Variants in MRPS28 observed in about 807,000 individuals in gnomAD.
MRPS28 encodes mitochondrial ribosomal protein S28.
In MRPS28, 7 loss-of-function variants were observed where a neutral mutation model predicts 10.8. The observed-to-expected ratio is 0.65, with a 90% confidence interval of 0.37 to 1.22. The LOEUF is 1.22. Among genes scored for constraint, MRPS28 ranks in the 50% most tolerant of loss-of-function variants. The pLI is 0.02. For missense variants in MRPS28, 265 were observed against 232.9 expected (o/e 1.14, Z -0.90); for synonymous variants, 121 against 93.3 (o/e 1.30, Z -1.71).
chr8:79,971,071 A>G (rs1201483776), intron 2 of MRPS28, among the ~76,000 whole-genome samples: 1 of 152,250 alleles, frequency 6.6e-6, no homozygotes, highest in South Asian at 2.1e-4. Flanking sequence ...CTACCAAATC[A>G]GCATGCCAGC....
At chr8:80,009,611 T>C (rs1220873358) in intron 1 of MRPS28, among the ~76,000 whole-genome samples, 1 of 149,982 alleles carries the variant, frequency 6.7e-6, no homozygotes, top group East Asian at 2.0e-4. Context: ...AGCCAAACTG[T>C]CTCAAAAAAG....
intron 1 of MRPS28, among the ~76,000 whole-genome samples, chr8:80,007,656 T>G (rs1301231858): frequency 5.9e-5 from 9 of 152,140 alleles, no homozygotes; most frequent in South Asian, 2.1e-4. Context: ...AAATCATGAG[T>G]GAACTCCCAT....
chr8:79,961,703 C>T (rs1807376552), intron 2 of MRPS28, among the ~76,000 whole-genome samples: 1 of 152,080 alleles, frequency 6.6e-6, no homozygotes, highest in Non-Finnish European at 1.5e-5. Flanking sequence ...CTTTCCCAAT[C>T]AGGGCTTCTG....
chr8:79,956,192 CATCTT>C (rs1227834599), intron 2 of MRPS28, among the ~76,000 whole-genome samples: 38 of 151,996 alleles, frequency 2.5e-4, no homozygotes, highest in African/African-American at 8.2e-4. Context: ...TGTTGCTGCT[CATCTT>C]ATCTTACAAT....
At chr8:80,027,783 A>T (rs1809528583) in intron 1 of MRPS28, among the ~76,000 whole-genome samples, 1 of 152,214 alleles carries the variant, frequency 6.6e-6, no homozygotes, top group Non-Finnish European at 1.5e-5. Flanking sequence ...CCATTAAACC[A>T]AGATGTCAAA....
At chr8:79,963,876 G>A (rs1426634043) in intron 2 of MRPS28, among the ~76,000 whole-genome samples, 3 of 152,222 alleles carry the variant, frequency 2.0e-5, no homozygotes, top group Admixed American at 1.3e-4. Context: ...GACAGGTCAA[G>A]TGAGAACTGA....
intron 2 of MRPS28, among the ~76,000 whole-genome samples, chr8:79,974,432 C>T (rs1264083155): frequency 3.3e-5 from 5 of 151,522 alleles, no homozygotes; most frequent in African/African-American, 9.7e-5. Context: ...CCCAGCTACT[C>T]GGGAGGCTGA....
At chr8:80,002,207 T>C (rs1008438313) in intron 2 of MRPS28, among the ~76,000 whole-genome samples, 2 of 152,126 alleles carry the variant, frequency 1.3e-5, no homozygotes, top group Non-Finnish European at 2.9e-5. Context: ...ATATGACCAA[T>C]TTTTATATGC....
At position 80,007,625 on chromosome 8, in the gene MRPS28, ATAACAG is replaced by A. The variant is rs559421089; in HGVS notation, c.214-4451_214-4446del. ...AAATCACAAGCATTCTTATACACCA[ATAACAG>A]ACAAACAGAGAGCCAAATCATGAGT... On this transcript the variant is annotated intron_variant, in intron 1 of 2. Transcript: ENST00000276585. 7.3e-3 allele frequency among the ~76,000 whole-genome samples: 1,118 copies of A among 152,282 alleles called. 11 individuals carry two copies. Among genetic ancestry groups the A allele is most frequent in the African/African-American group, 0.025 (1,056 of 41,560 alleles).
chr8:79,923,005 T>C (rs1810134987), intron 2 of MRPS28, among the ~76,000 whole-genome samples: 1 of 152,154 alleles, frequency 6.6e-6, no homozygotes, highest in Non-Finnish European at 1.5e-5. Context: ...CAAGTAAACA[T>C]TTAGGCTATT....
intron 2 of MRPS28, among the ~76,000 whole-genome samples, chr8:79,990,475 T>C (rs755472241): frequency 6.6e-6 from 1 of 152,090 alleles, no homozygotes; most frequent in Non-Finnish European, 1.5e-5. Flanking sequence ...CATACAAAAA[T>C]GCCAATCCCC....
At chr8:80,000,128 C>CA (rs1446448019) in intron 2 of MRPS28, among the ~76,000 whole-genome samples, 9 of 152,168 alleles carry the variant, frequency 5.9e-5, no homozygotes, top group Admixed American at 5.9e-4. Flanking sequence ...CAGTACCTGG[C>CA]AAATTGAAGA....
chr8:79,981,827 G>C (rs145933250), intron 2 of MRPS28, among the ~76,000 whole-genome samples: 1 of 152,174 alleles, frequency 6.6e-6, no homozygotes, highest in South Asian at 2.1e-4. Context: ...ACAGAGAGTA[G>C]CATAAAATCC....
chr8:79,925,106 A>G (rs1214864305), intron 2 of MRPS28, among the ~76,000 whole-genome samples: 1 of 152,182 alleles, frequency 6.6e-6, no homozygotes, highest in Non-Finnish European at 1.5e-5. Context: ...ATTTCTAGTC[A>G]TCATTAAAAT....
intron 1 of MRPS28, among the ~76,000 whole-genome samples, chr8:80,021,293 G>A (rs567409225): frequency 3.1e-4 from 47 of 152,174 alleles, no homozygotes; most frequent in African/African-American, 1.0e-3. Context: ...GAGCCACTGC[G>A]CCCAGCCACA....
Position 80,009,846 on chromosome 8 carries a change from T to TA in MRPS28, c.214-6667dup, listed in dbSNP as rs201084294. Among the ~76,000 whole-genome samples, 1,125 of 152,190 alleles carry TA rather than the reference T, an allele frequency of 7.4e-3. 12 individuals are homozygous for TA. Among genetic ancestry groups the TA allele is most frequent in the African/African-American group, 0.026 (1,059 of 41,508 alleles). On this transcript the variant is annotated intron_variant, in intron 1 of 2. Coordinates refer to ENST00000276585, the MANE Select transcript of MRPS28 (RefSeq NM_014018.3). ...CTTTATTCCTAGCACTGACCATCTG[T>TA]AAAAAAATGCCTTCTAAATCAAGTT...
chr8:80,028,810 C>A (rs942819711), intron 1 of MRPS28: 3 of 153,676 alleles, frequency 2.0e-5, no homozygotes, highest in Non-Finnish European at 4.4e-5. Context: ...CAAAAAAAAA[C>A]AGAAAAAACA....
intron 2 of MRPS28, among the ~76,000 whole-genome samples, chr8:79,931,653 T>C (rs1806465300): frequency 6.6e-6 from 1 of 152,172 alleles, no homozygotes; most frequent in African/African-American, 2.4e-5. Context: ...AAATCCTCAA[T>C]GAAAGTCCAG....
At chr8:79,947,513 A>C (rs1806950150) in intron 2 of MRPS28, among the ~76,000 whole-genome samples, 2 of 152,122 alleles carry the variant, frequency 1.3e-5, no homozygotes, top group South Asian at 4.1e-4. Flanking sequence ...ACATCTTAAC[A>C]ATATTGATTC....
Sources: allele counts gnomAD v4.1 joint callset (sites outside exome capture counted in the v4.1 genomes callset), GRCh38; gene constraint gnomAD v4.1.1; transcripts MANE v1.5; gene names NCBI Gene and HGNC (gene_info 2026-07-23, HGNC 2026-07-21).